The following ATP8A1 variants were observed in gnomAD, a reference collection of about 807,000 sequenced individuals.
The protein encoded by ATP8A1 is ATPase phospholipid transporting 8A1.
A neutral mutation model predicts 177.7 loss-of-function variants in ATP8A1; 90 were observed. That is an observed-to-expected ratio of 0.51 (90% CI 0.43 to 0.60). The LOEUF (loss-of-function observed/expected upper bound fraction) is 0.60. Ranked by LOEUF, ATP8A1 falls within the 20% of genes least tolerant of loss-of-function variation. The pLI, the probability that ATP8A1 is intolerant of heterozygous loss-of-function variation, is 0.00. For missense variants in ATP8A1, 1,072 were observed against 1,392.8 expected, an observed-to-expected ratio of 0.77 and a Z score of 3.67; for synonymous variants, 493 against 485.9, an observed-to-expected ratio of 1.01 and a Z score of -0.19.
At chr4:42,524,439 TTGC>T (rs1726471471) in intron 21 of ATP8A1, among the ~76,000 whole-genome samples, 2 of 151,986 alleles carry the variant, frequency 1.3e-5, no homozygotes, top group African/African-American at 2.4e-5. Context: ...TTTTTGAGTC[TTGC>T]TTCTTTTCCT....
chr4:42,555,218 CTAGAGAA>C (rs1730079999), intron 16 of ATP8A1, among the ~76,000 whole-genome samples: 3 of 145,542 alleles, frequency 2.1e-5, no homozygotes, highest in Admixed American at 6.9e-5. Flanking sequence ...CTGCCCCCCC[CTAGAGAA>C]CCCTAATACA....
intron 20 of ATP8A1, among the ~76,000 whole-genome samples, chr4:42,525,813 C>T (rs776757842): frequency 5.9e-5 from 9 of 152,058 alleles, no homozygotes; most frequent in Non-Finnish European, 1.3e-4. Context: ...TGGAAGCAGA[C>T]TAATGGAGTA....
chr4:42,582,628 G>C (rs1040153924), intron 9 of ATP8A1, among the ~76,000 whole-genome samples: 1 of 151,876 alleles, frequency 6.6e-6, no homozygotes, highest in Admixed American at 6.6e-5. Context: ...ACCCCCTACA[G>C]ACAAGTCCCT....
At chr4:42,626,736 T>C (rs538576796) in intron 2 of ATP8A1, 24 of 482,228 alleles carry the variant, frequency 5.0e-5, no homozygotes, top group Admixed American at 1.4e-4. Context: ...CATTTACACA[T>C]AAGCAGCTTT....
At chr4:42,423,105 A>C (rs1356083614) in intron 34 of ATP8A1, among the ~76,000 whole-genome samples, 1 of 152,158 alleles carries the variant, frequency 6.6e-6, no homozygotes, top group African/African-American at 2.4e-5. Flanking sequence ...TTAGGTTTAC[A>C]ATATTGAAAC....
intron 4 of ATP8A1, among the ~76,000 whole-genome samples, chr4:42,621,152 G>T (rs1267385813): frequency 6.6e-6 from 1 of 152,234 alleles, no homozygotes; most frequent in Non-Finnish European, 1.5e-5. Flanking sequence ...GCAGGTAGGA[G>T]TCTCTTACAC....
In ATP8A1 at chr4:42,600,876, T is replaced by A. The variant is rs569021126; in HGVS notation, c.410-358A>T. 1.9e-3 allele frequency among the ~76,000 whole-genome samples: 283 copies of A among 152,158 alleles called. 1 individual carries two copies. The highest frequency in any genetic ancestry group is 1.8e-3 in the Non-Finnish European group (122 of 68,000). On this transcript the variant is annotated intron_variant, in intron 5 of 36. Transcript: ENST00000381668. ...ATTTCAGATGCTACAAGAGTAGCAA[T>A]GTTTAAAAAGAAAAATCACAAGCAC...
At chr4:42,485,411 GGATTACTTTCATT>G in intron 25 of ATP8A1, 72 bp downstream of exon 25, 1 of 1,272,688 alleles carries the variant, frequency 7.9e-7, no homozygotes, top group East Asian at 2.5e-5. Context: ...TGTAAACTCT[GGATTACTTTCATT>G]GACGTTTATA....
chr4:42,497,341 T>TGCTG (rs1258686926), intron 24 of ATP8A1, among the ~76,000 whole-genome samples: 1 of 152,164 alleles, frequency 6.6e-6, no homozygotes, highest in African/African-American at 2.4e-5. Context: ...TTTATGCGTG[T>TGCTG]GCTGACTCAT....
chr4:42,652,386 T>C (rs1468738871), intron 1 of ATP8A1, among the ~76,000 whole-genome samples: 1 of 152,238 alleles, frequency 6.6e-6, no homozygotes, highest in African/African-American at 2.4e-5. Context: ...TGATAATTTA[T>C]GAACCTACTA....
At chr4:42,439,495 A>G (rs1390347954) in intron 33 of ATP8A1, among the ~76,000 whole-genome samples, 1 of 152,258 alleles carries the variant, frequency 6.6e-6, no homozygotes, top group African/African-American at 2.4e-5. Context: ...CAAGCAAAAA[A>G]TGTTATTTGC....
At chr4:42,510,195 T>C (rs1225714207) in intron 22 of ATP8A1, among the ~76,000 whole-genome samples, 4 of 152,236 alleles carry the variant, frequency 2.6e-5, no homozygotes, top group Admixed American at 6.5e-5. Context: ...ACTTGATGCA[T>C]GACTTCTTAG....
chr4:42,541,090 C>A (rs1167453856), intron 20 of ATP8A1, among the ~76,000 whole-genome samples: 1 of 151,890 alleles, frequency 6.6e-6, no homozygotes, highest in African/African-American at 2.4e-5. Flanking sequence ...CACATCACTG[C>A]CCTCCAGCCT....
chr4:42,577,882 A>G (rs1356979570), intron 12 of ATP8A1, among the ~76,000 whole-genome samples: 1 of 152,168 alleles, frequency 6.6e-6, no homozygotes, highest in Non-Finnish European at 1.5e-5. Context: ...CCACTGTAAG[A>G]TGTAGGTAAG....
At chr4:42,437,468 T>C (rs1716124428) in intron 33 of ATP8A1, among the ~76,000 whole-genome samples, 1 of 152,128 alleles carries the variant, frequency 6.6e-6, no homozygotes, top group African/African-American at 2.4e-5. Flanking sequence ...CACAACCATA[T>C]TTGTGAGAGG....
At chr4:42,568,280 T>G (rs1250612305) in intron 15 of ATP8A1, among the ~76,000 whole-genome samples, 2 of 152,168 alleles carry the variant, frequency 1.3e-5, no homozygotes, top group African/African-American at 4.8e-5. Flanking sequence ...ATAAATTCCC[T>G]GTTGAAAAAT....
chr4:42,623,123 T>C lies in ATP8A1; in HGVS notation c.363+1413A>G, dbSNP rs574526569. On this transcript the variant is annotated intron_variant, in intron 4 of 36. Transcript: ENST00000381668. Reference sequence around the variant, plus strand: ...TCAACATCACCAATTATTAGAGAAATGCAAACCAAAACCACAATGAGATGC... The same window carrying C: ...TCAACATCACCAATTATTAGAGAAACGCAAACCAAAACCACAATGAGATGC... Among the ~76,000 whole-genome samples the C allele has an allele frequency of 5.9e-4, 89 of 150,358 alleles. No homozygotes were observed. The South Asian group carries it at 0.019, about 32-fold the overall frequency.
intron 24 of ATP8A1, among the ~76,000 whole-genome samples, chr4:42,499,748 C>T (rs546269425): frequency 1.4e-3 from 218 of 152,254 alleles, no homozygotes; most frequent in African/African-American, 5.1e-3. Flanking sequence ...TAAATAATAT[C>T]GCATAAACCC....
intron 32 of ATP8A1, 44 bp from the exon 33 acceptor site, chr4:42,443,716 C>T (rs1420662304): frequency 1.1e-5 from 9 of 839,082 alleles, no homozygotes; most frequent in South Asian, 2.8e-5. Flanking sequence ...TTATGTAGAC[C>T]GAGTACACAA....
Sources: gnomAD v4.1 joint callset for allele counts (sites outside exome capture counted in the v4.1 genomes callset) on GRCh38, gnomAD v4.1.1 for gene constraint, MANE v1.5 for transcripts, NCBI Gene and HGNC (gene_info 2026-07-23, HGNC 2026-07-21) for gene names.